Variants in CNTNAP2 observed in about 807,000 individuals in gnomAD.
CNTNAP2 encodes the protein contactin associated protein 2, also known as contactin-associated protein-like 2.
Under a neutral mutation model 155.2 loss-of-function variants are expected in CNTNAP2, and 98 were observed. The observed-to-expected ratio is 0.63, with a 90% CI of 0.54 to 0.75. The LOEUF (loss-of-function observed/expected upper bound fraction) is 0.75. CNTNAP2 is among the 30% of genes least tolerant of loss of function. The probability of loss-of-function intolerance (pLI) is 0.00; values close to 1 mark genes in which losing one functional copy is unlikely to be tolerated. For synonymous variants in CNTNAP2, 651 were observed against 631.2 expected, an observed-to-expected ratio of 1.03 and a Z score of -0.47; for missense variants, 1,727 against 1,688.1, an observed-to-expected ratio of 1.02 and a Z score of -0.40.
intron 1 of CNTNAP2, among the ~76,000 whole-genome samples, chr7:146,191,371 A>G (rs545453651): frequency 6.4e-4 from 97 of 152,330 alleles, no homozygotes; most frequent in African/African-American, 2.2e-3. Context: ...TCACAAGGCA[A>G]TAAAATATCA....
intron 8 of CNTNAP2, among the ~76,000 whole-genome samples, chr7:147,221,461 C>A (rs745402304): frequency 6.6e-6 from 1 of 151,974 alleles, no homozygotes; most frequent in Non-Finnish European, 1.5e-5. Flanking sequence ...GCTGAGAGTG[C>A]CGTCCCATTG....
intron 2 of CNTNAP2, 50 bp from the exon 3 acceptor site, chr7:146,839,661 A>T: frequency 6.3e-7 from 1 of 1,591,950 alleles, no homozygotes; most frequent in Non-Finnish European, 8.6e-7. Flanking sequence ...CAGTTGTACA[A>T]GTTCAAATTT....
chr7:148,183,293 T>G (rs763499961), intron 18 of CNTNAP2, among the ~76,000 whole-genome samples: 23 of 152,202 alleles, frequency 1.5e-4, no homozygotes, highest in African/African-American at 4.8e-4. Context: ...AAGGACAGCA[T>G]GGCAGATAGT....
At chr7:146,384,709 T>TAA (rs369329223) in intron 1 of CNTNAP2, among the ~76,000 whole-genome samples, 192 of 151,454 alleles carry the variant, frequency 1.3e-3, no homozygotes, top group African/African-American at 4.4e-3. Context: ...GACTAATGGT[T>TAA]AAAAAAAAAT....
At chr7:147,538,761 A>G (rs529858914) in intron 11 of CNTNAP2, among the ~76,000 whole-genome samples, 3 of 152,238 alleles carry the variant, frequency 2.0e-5, no homozygotes, top group Non-Finnish European at 2.9e-5. Context: ...AAAAGGCCTG[A>G]TATCATGTTT....
chr7:147,169,727 C>T (rs2116473254), intron 8 of CNTNAP2, among the ~76,000 whole-genome samples: 1 of 152,166 alleles, frequency 6.6e-6, no homozygotes, highest in Non-Finnish European at 1.5e-5. Flanking sequence ...AAGACTGAAC[C>T]AGGAAGAAAT....
intron 9 of CNTNAP2, among the ~76,000 whole-genome samples, chr7:147,370,975 G>A (rs554409595): frequency 6.6e-6 from 1 of 152,054 alleles, no homozygotes; most frequent in South Asian, 2.1e-4. Context: ...ATATGTTTTT[G>A]TTTGTTTAGC....
Position 148,217,500 on chromosome 7 carries a change from T to C in CNTNAP2, c.3223T>C (p.Leu1075=), listed in dbSNP as rs1231871857. 1 of 1,614,190 alleles carries C rather than the reference T, an allele frequency of 6.2e-7. No individual in the cohort carries two copies. Among genetic ancestry groups the C allele is most frequent in the Admixed American group, 1.7e-5 (1 of 60,022 alleles). The change falls in exon 19 of 24, where the codon TTG becomes CTG. Residue 1075 remains leucine (L), a synonymous_variant. Transcript: ENST00000361727. ...LYISSFTTDF[L]AVLVKPTGSL... ...CATCAGCTCCTTCACCACAGACTTC[T>C]TGGCAGTCCTCGTCAAACCCACTGG...
intron 14 of CNTNAP2, among the ~76,000 whole-genome samples, chr7:147,949,692 G>T (rs1311609870): frequency 6.6e-6 from 1 of 152,070 alleles, no homozygotes; most frequent in Non-Finnish European, 1.5e-5. Context: ...GAGAGGTTTC[G>T]TACCACTCTG....
chr7:147,439,214 T>G (rs1416672672), intron 10 of CNTNAP2, among the ~76,000 whole-genome samples: 2 of 152,060 alleles, frequency 1.3e-5, no homozygotes, highest in Non-Finnish European at 2.9e-5. Context: ...TTTTTTGATG[T>G]AGGCACTTAT....
At chr7:147,832,944 T>C (rs1798576904) in intron 13 of CNTNAP2, among the ~76,000 whole-genome samples, 2 of 150,386 alleles carry the variant, frequency 1.3e-5, no homozygotes, top group African/African-American at 4.8e-5. Flanking sequence ...AGTCAGACTC[T>C]ACATGAAAGG....
At chr7:147,006,150 G>C (rs1798519948) in intron 3 of CNTNAP2, among the ~76,000 whole-genome samples, 1 of 151,930 alleles carries the variant, frequency 6.6e-6, no homozygotes, top group Non-Finnish European at 1.5e-5. Flanking sequence ...TAATCCAAAG[G>C]GGTAGTTAGA....
At chr7:148,261,870 C>CG (rs1796569679) in intron 20 of CNTNAP2, among the ~76,000 whole-genome samples, 1 of 152,210 alleles carries the variant, frequency 6.6e-6, no homozygotes. Flanking sequence ...TCCCCCTCCT[C>CG]GAGCCTGTGC....
intron 8 of CNTNAP2, among the ~76,000 whole-genome samples, chr7:147,216,630 T>C (rs1803276446): frequency 6.6e-6 from 1 of 151,952 alleles, no homozygotes; most frequent in African/African-American, 2.4e-5. Flanking sequence ...TTCAACTTTG[T>C]TCTTCTCCTT....
chr7:147,115,935 A>C (rs1053418832), intron 5 of CNTNAP2, among the ~76,000 whole-genome samples: 2 of 152,074 alleles, frequency 1.3e-5, no homozygotes, highest in African/African-American at 4.8e-5. Context: ...ATTGCTTCTC[A>C]TCTTTGGTGT....
chr7:147,840,401 C>T (rs998069798), intron 13 of CNTNAP2, among the ~76,000 whole-genome samples: 4 of 152,144 alleles, frequency 2.6e-5, no homozygotes, highest in African/African-American at 9.7e-5. Flanking sequence ...CAGTTAAGAA[C>T]CACTGGTGGG....
chr7:148,049,079 G>T (rs1459064202), intron 15 of CNTNAP2, among the ~76,000 whole-genome samples: 1 of 152,144 alleles, frequency 6.6e-6, no homozygotes, highest in Non-Finnish European at 1.5e-5. Context: ...GCCAGGTGTA[G>T]TGGTAGGTGC....
At chr7:148,083,938 C>T (rs540638648) in intron 15 of CNTNAP2, among the ~76,000 whole-genome samples, 2 of 152,070 alleles carry the variant, frequency 1.3e-5, no homozygotes, top group Non-Finnish European at 2.9e-5. Flanking sequence ...CTTTCCTTAC[C>T]ATTTAAGCCA....
intron 1 of CNTNAP2, among the ~76,000 whole-genome samples, chr7:146,579,023 T>C (rs1181200130): frequency 6.6e-6 from 1 of 152,206 alleles, no homozygotes; most frequent in African/African-American, 2.4e-5. Flanking sequence ...TGACGTATTT[T>C]ACTTTGTGTT....
Sources: gnomAD v4.1 joint callset for allele counts (sites outside exome capture counted in the v4.1 genomes callset) on GRCh38, gnomAD v4.1.1 for gene constraint, MANE v1.5 for transcripts, NCBI Gene and HGNC (gene_info 2026-07-23, HGNC 2026-07-21) for gene names.